The following DHX34 variants were observed in gnomAD, a reference collection of about 807,000 sequenced individuals.
DHX34 encodes the protein DExH-box helicase 34, also known as probable ATP-dependent RNA helicase DHX34.
A neutral mutation model predicts 111.1 loss-of-function variants in DHX34; 96 were observed. That is an observed-to-expected ratio of 0.86 (90% CI 0.73 to 1.02). The LOEUF is 1.02. DHX34 is among the 50% of genes least tolerant of loss of function. The pLI, the probability that DHX34 is intolerant of heterozygous loss-of-function variation, is 0.00. For missense variants in DHX34, 1,560 were observed against 1,579.9 expected (o/e 0.99, Z 0.21); for synonymous variants, 688 against 670.4 (o/e 1.03, Z -0.41).
intron 15 of DHX34, 79 bp from the exon 16 acceptor site, chr19:47,381,107 T>TG (rs1970341548): frequency 6.3e-7 from 1 of 1,584,226 alleles, no homozygotes; most frequent in African/African-American, 1.3e-5. Context: ...TGAGGGCTTC[T>TG]GGGAAGGGTC....
intron 3 of DHX34, among the ~76,000 whole-genome samples, chr19:47,356,653 AAGAG>A (rs902548725): frequency 6.0e-5 from 9 of 150,682 alleles, no homozygotes; most frequent in East Asian, 3.9e-4. Flanking sequence ...AAAGAAAAGA[AAGAG>A]AGAGAGAGAG....
At chr19:47,371,212 A>G (rs1053215802) in intron 7 of DHX34, among the ~76,000 whole-genome samples, 3 of 152,110 alleles carry the variant, frequency 2.0e-5, no homozygotes, top group Admixed American at 2.0e-4. Context: ...ATCGGAGGTG[A>G]TGGTAAATGC....
chr19:47,358,229 G>A, intron 4 of DHX34, 109 bp downstream of exon 4: 2 of 1,459,582 alleles, frequency 1.4e-6, no homozygotes, highest in Non-Finnish European at 9.0e-7. Context: ...GGCTGTACTT[G>A]TGCAAAGTCG....
intron 9 of DHX34, among the ~76,000 whole-genome samples, chr19:47,374,385 C>T (rs895110111): frequency 1.5e-4 from 21 of 144,810 alleles, no homozygotes; most frequent in Admixed American, 2.9e-4. Context: ...TGTGGTGAGC[C>T]GAGATTGAGC....
chr19:47,360,156 A>G (rs1356030118), intron 5 of DHX34, 86 bp downstream of exon 5: 7 of 1,301,360 alleles, frequency 5.4e-6, no homozygotes, highest in Non-Finnish European at 6.7e-6. Context: ...GCAGGGGCGC[A>G]CCAGCTTGGA....
At chr19:47,357,681 T>G in intron 3 of DHX34, 185 bp from the exon 4 acceptor site, 76 of 908,146 alleles carry the variant, frequency 8.4e-5, no homozygotes, top group East Asian at 1.2e-4. Flanking sequence ...GGTGGCATAA[T>G]GAGAAAGGAG....
At chr19:47,376,833 T>C in intron 12 of DHX34, 1 of 1,530,162 alleles carries the variant, frequency 6.5e-7, no homozygotes, top group South Asian at 1.2e-5. Flanking sequence ...GCCTGTCCTA[T>C]GGACTCTGTG....
rs541937964 is a variant in DHX34, at chr19:47,370,769, C to T, written c.1769-1961C>T. ...TTGGCTCACTGCAACCTCCACCTCCCGGGTTCAAGTGATCCTCCCACCTCA... is the reference window on the plus strand; with the variant it reads ...TTGGCTCACTGCAACCTCCACCTCCTGGGTTCAAGTGATCCTCCCACCTCA... On this transcript the variant is annotated intron_variant, in intron 7 of 16. Coordinates refer to ENST00000328771, the MANE Select transcript of DHX34 (RefSeq NM_014681.6). Among the ~76,000 whole-genome samples the T allele has an allele frequency of 2.7e-4, 41 of 152,266 alleles. 1 individual carries two copies. Among genetic ancestry groups the T allele is most frequent in the Non-Finnish European group, 4.0e-4 (27 of 68,012 alleles).
intron 13 of DHX34, 91 bp from the exon 14 acceptor site, chr19:47,379,619 G>A: frequency 2.0e-6 from 3 of 1,507,666 alleles, no homozygotes; most frequent in Non-Finnish European, 2.7e-6. Flanking sequence ...CAGGGCTGGT[G>A]GGTGGGCAGG....
chr19:47,372,509 C>T lies in DHX34; in HGVS notation c.1769-221C>T, dbSNP rs369617772. 5.5e-5 allele frequency: 41 copies of T among 751,514 alleles called. No individual in the cohort carries two copies. The East Asian group carries it at 3.5e-3, about 65-fold the overall frequency. 46.6% of individuals were successfully genotyped at this position (751,514 alleles called of 1,614,324 possible). A position where few individuals can be genotyped will look rare whatever the true frequency, so the allele number is the denominator to read the frequency against. On this transcript the variant is annotated intron_variant, in intron 7 of 16. Coordinates refer to ENST00000328771, the MANE Select transcript of DHX34 (RefSeq NM_014681.6). Reference sequence around the variant, plus strand: ...CAAGGAGGCAGGGACTGGCCATCTCCAATCTACAAATGGGGAAACTGAGGC... The same window carrying T: ...CAAGGAGGCAGGGACTGGCCATCTCTAATCTACAAATGGGGAAACTGAGGC...
chr19:47,382,290 G>A lies in DHX34; in HGVS notation c.*177G>A. On this transcript the variant is annotated 3_prime_UTR_variant, in exon 17 of 17. Coordinates refer to ENST00000328771, the MANE Select transcript of DHX34 (RefSeq NM_014681.6). The stretch of plus-strand genomic sequence containing the variant: ...CCTCACATGCTGATACACACTGTTA[G>A]GCCTGCACCTGCCCATCCAGAAAGC... 9.0e-7 allele frequency: 1 copy of A among 1,116,106 alleles called. No homozygotes were observed. Among genetic ancestry groups the A allele is most frequent in the Non-Finnish European group, 1.2e-6 (1 of 827,216 alleles). 69.1% of individuals were successfully genotyped at this position (1,116,106 alleles called of 1,614,324 possible).
At chr19:47,365,298 C>T (rs958765991) in intron 6 of DHX34, among the ~76,000 whole-genome samples, 2 of 151,998 alleles carry the variant, frequency 1.3e-5, no homozygotes, top group African/African-American at 4.8e-5. Context: ...GTCGCCCAGG[C>T]TGGAGTGCAG....
chr19:47,375,696 C>T lies in DHX34; in HGVS notation c.2295C>T (p.Gly765=), dbSNP rs761075119. ...AGPAPPGASD[G]VDIQDVKFKL... is the part of the protein sequence containing the mutation. ...CAGCCCCCCCAGGGGCCAGTGATGG[C>T]GTGGACATCCAGGTGGGCGCCATGG... Residue 765 remains glycine (G), a synonymous_variant, in exon 10 of 17, where the codon GGC becomes GGT. Coordinates refer to ENST00000328771, the MANE Select transcript of DHX34 (RefSeq NM_014681.6). 4.6e-5 allele frequency: 72 copies of T among 1,559,498 alleles called. No homozygotes were observed. The highest frequency in any genetic ancestry group is 1.8e-4 in the Middle Eastern group (1 of 5,516).
At chr19:47,380,601 C>T in intron 14 of DHX34, 8 of 984,330 alleles carry the variant, frequency 8.1e-6, no homozygotes, top group Non-Finnish European at 9.6e-6. Context: ...AGAAGAGGGG[C>T]CTGGGGAGGG....
Position 47,367,055 on chromosome 19 carries a change from C to A in DHX34, c.1668C>A (p.Thr556=). ...IEPPPPASLE[T]AILYLRDQGA... ...CCCCACCACCAGCCAGCCTGGAAAC[C>A]GCCATCCTCTACCTCCGGGACCAGG... Residue 556 remains threonine, a synonymous_variant, in exon 7 of 17, where the codon ACC becomes ACA. Transcript: ENST00000328771. The A allele has an allele frequency of 6.2e-7, 1 of 1,609,244 alleles. No homozygotes were observed.
At chr19:47,364,146 C>A (rs1192314412) in intron 6 of DHX34, among the ~76,000 whole-genome samples, 2 of 152,060 alleles carry the variant, frequency 1.3e-5, no homozygotes, top group African/African-American at 4.8e-5. Flanking sequence ...GTCCAGCCAG[C>A]CAAAGGGTCA....
rs573964708 is a variant in DHX34 at position 47,353,857 on chromosome 19, C to T, written c.705+122C>T. On this transcript the variant is annotated intron_variant, in intron 2 of 16. Coordinates refer to ENST00000328771, the MANE Select transcript of DHX34 (RefSeq NM_014681.6). The surrounding 1 kb of genome is among the most constrained non-coding windows in gnomAD (Gnocchi z 4.6). ...ACCCTTGGACCCAGCGATGATTCTT[C>T]TAGAACTTTATCCACAGAGTGGCTT... 6 of 976,660 alleles carry T rather than the reference C, an allele frequency of 6.1e-6. No individual in the cohort carries two copies. In the South Asian group the frequency reaches 9.0e-5, roughly 15 times the overall value. The allele number at this position is 976,660 out of a possible 1,614,324, so 60.5% of individuals were successfully genotyped here.
chr19:47,357,800 TC>T (rs1969500205), intron 3 of DHX34, 65 bp from the exon 4 acceptor site: 9 of 1,545,408 alleles, frequency 5.8e-6, no homozygotes, highest in Admixed American at 1.9e-5. Flanking sequence ...GCCTGCAGCC[TC>T]CCCAGCCCAT....
At chr19:47,372,959 CT>C in intron 8 of DHX34, 36 bp downstream of exon 8, 1 of 1,500,030 alleles carries the variant, frequency 6.7e-7, no homozygotes, top group Admixed American at 2.0e-5. Context: ...GTCTGTCACC[CT>C]GCTCAGGGCC....
Sources: allele counts gnomAD v4.1 joint callset (sites outside exome capture counted in the v4.1 genomes callset), GRCh38; gene constraint gnomAD v4.1.1; non-coding constraint Gnocchi (gnomAD v3.1); transcripts MANE v1.5; gene names NCBI Gene and HGNC (gene_info 2026-07-23, HGNC 2026-07-21).